MAGI2: variants seen among roughly 807,000 people sequenced by gnomAD.
The protein encoded by MAGI2 is membrane associated guanylate kinase, WW and PDZ domain containing 2.
Under a neutral mutation model 133.3 loss-of-function variants are expected in MAGI2, and 35 were observed. That is an observed-to-expected ratio of 0.26 (90% CI 0.20 to 0.35). The LOEUF is 0.35. Among genes scored for constraint, MAGI2 ranks in the 10% least tolerant of loss-of-function variants. MAGI2 has a pLI of 1.00. For synonymous variants in MAGI2, 729 were observed against 710.6 expected, an observed-to-expected ratio of 1.03 and a Z score of -0.41; for missense variants, 1,636 against 1,863.4, an observed-to-expected ratio of 0.88 and a Z score of 2.25.
chr7:78,427,789 G>C (rs1799432625), intron 6 of MAGI2, among the ~76,000 whole-genome samples: 1 of 151,670 alleles, frequency 6.6e-6, no homozygotes, highest in Admixed American at 6.6e-5. Context: ...CAATCTCTCT[G>C]TATTGGCTGT....
chr7:78,051,533 T>C (rs1350519081), intron 21 of MAGI2, among the ~76,000 whole-genome samples: 1 of 152,198 alleles, frequency 6.6e-6, no homozygotes, highest in Non-Finnish European at 1.5e-5. Context: ...GTGCAGCCAT[T>C]GCGTAGCCAT....
At chr7:78,801,182 A>G (rs1788028443) in intron 2 of MAGI2, among the ~76,000 whole-genome samples, 1 of 152,212 alleles carries the variant, frequency 6.6e-6, no homozygotes, top group African/African-American at 2.4e-5. Context: ...GGATAATTCA[A>G]AAGAAATTTT....
At chr7:78,951,412 C>T (rs1447114269) in intron 2 of MAGI2, among the ~76,000 whole-genome samples, 2 of 152,066 alleles carry the variant, frequency 1.3e-5, no homozygotes, top group Non-Finnish European at 2.9e-5. Context: ...AGGAGACTTA[C>T]AATCATGGTG....
At chr7:79,345,761 G>A (rs1841267383) in intron 1 of MAGI2, among the ~76,000 whole-genome samples, 1 of 152,120 alleles carries the variant, frequency 6.6e-6, no homozygotes, top group South Asian at 2.1e-4. Flanking sequence ...AGGATTCTGT[G>A]TGATAGTAAC....
In MAGI2 at chr7:78,778,100, G is replaced by A. The variant is rs141605869; in HGVS notation, c.419-150861C>T. 3.3e-5 allele frequency among the ~76,000 whole-genome samples: 5 copies of A among 152,250 alleles called. No homozygotes were observed. The East Asian group carries it at 5.8e-4, about 18-fold the overall frequency. On this transcript the variant is annotated intron_variant, in intron 2 of 21. Transcript: ENST00000354212. ...CCCAGTTTTGATTTCTGCAAGCCAG[G>A]CTGAATTGTGATCTTTTATTTTCAC...
intron 1 of MAGI2, among the ~76,000 whole-genome samples, chr7:79,312,668 C>T (rs1334274464): frequency 6.6e-6 from 1 of 152,134 alleles, no homozygotes; most frequent in Non-Finnish European, 1.5e-5. Context: ...ATTTTTGTCT[C>T]ACTTATTAAC....
intron 1 of MAGI2, among the ~76,000 whole-genome samples, chr7:79,288,489 A>G (rs1270277619): frequency 6.6e-6 from 1 of 152,160 alleles, no homozygotes; most frequent in Non-Finnish European, 1.5e-5. Context: ...AAATGCATTT[A>G]ATTTTAAGCT....
chr7:79,040,294 C>A (rs889072153), intron 1 of MAGI2, among the ~76,000 whole-genome samples: 3 of 151,998 alleles, frequency 2.0e-5, no homozygotes, highest in Admixed American at 6.6e-5. Flanking sequence ...TTCCGGAGGC[C>A]TCCCCAGCCA....
chr7:78,129,051 T>G (rs1340052787), intron 18 of MAGI2, among the ~76,000 whole-genome samples: 5 of 152,352 alleles, frequency 3.3e-5, no homozygotes, highest in Admixed American at 2.6e-4. Flanking sequence ...TGTTTTAAGT[T>G]ATAGCATAGT....
chr7:78,297,664 T>C (rs1300941339), intron 9 of MAGI2, among the ~76,000 whole-genome samples: 1 of 151,786 alleles, frequency 6.6e-6, no homozygotes, highest in Non-Finnish European at 1.5e-5. Context: ...AAATGATTAG[T>C]TCATGTCCTT....
At chr7:79,043,635 G>A (rs1193651825) in intron 1 of MAGI2, among the ~76,000 whole-genome samples, 3 of 148,864 alleles carry the variant, frequency 2.0e-5, no homozygotes, top group African/African-American at 4.9e-5. Flanking sequence ...GAATAAGATC[G>A]ATAAACTGCT....
At chr7:78,676,196 A>G (rs965321727) in intron 2 of MAGI2, among the ~76,000 whole-genome samples, 2 of 152,200 alleles carry the variant, frequency 1.3e-5, no homozygotes, top group Admixed American at 6.5e-5. Flanking sequence ...CTATAGTCCC[A>G]AAAGATATAA....
chr7:78,996,862 C>T (rs1342522571), intron 2 of MAGI2, among the ~76,000 whole-genome samples: 1 of 151,984 alleles, frequency 6.6e-6, no homozygotes, highest in Non-Finnish European at 1.5e-5. Context: ...TTTAGAGAAG[C>T]AAAATTAAAA....
chr7:79,178,571 G>A (rs1211473375), intron 1 of MAGI2, among the ~76,000 whole-genome samples: 3 of 151,724 alleles, frequency 2.0e-5, no homozygotes, highest in African/African-American at 7.3e-5. Flanking sequence ...AATTAGCCAG[G>A]CATGGTGGCA....
intron 1 of MAGI2, among the ~76,000 whole-genome samples, chr7:79,337,683 C>T (rs372766679): frequency 2.6e-5 from 4 of 151,976 alleles, no homozygotes; most frequent in African/African-American, 7.3e-5. Context: ...TAGTGAGAAT[C>T]TGCTGGAAAA....
chr7:78,111,462 G>A (rs1337055719), intron 20 of MAGI2, among the ~76,000 whole-genome samples: 1 of 152,176 alleles, frequency 6.6e-6, no homozygotes, highest in South Asian at 2.1e-4. Context: ...CTTTTGAAAT[G>A]GTTCAAAGTT....
At chr7:78,864,601 T>G (rs1268688192) in intron 2 of MAGI2, among the ~76,000 whole-genome samples, 1 of 152,222 alleles carries the variant, frequency 6.6e-6, no homozygotes, top group Non-Finnish European at 1.5e-5. Context: ...TTCCATTTTC[T>G]GTCTGGCTCA....
intron 10 of MAGI2, among the ~76,000 whole-genome samples, chr7:78,213,683 CT>C (rs1167940465): frequency 2.0e-5 from 3 of 152,324 alleles, no homozygotes; most frequent in African/African-American, 7.2e-5. Context: ...AAATGTCAAG[CT>C]GTAACCAATC....
intron 2 of MAGI2, among the ~76,000 whole-genome samples, chr7:78,805,459 A>G (rs569295868): frequency 6.6e-6 from 1 of 152,256 alleles, no homozygotes; most frequent in South Asian, 2.1e-4. Context: ...AAGTGGGTAG[A>G]ATGATAAGAA....
Sources: gnomAD v4.1 joint callset for allele counts (sites outside exome capture counted in the v4.1 genomes callset) on GRCh38, gnomAD v4.1.1 for gene constraint, MANE v1.5 for transcripts, NCBI Gene and HGNC (gene_info 2026-07-23, HGNC 2026-07-21) for gene names.